Variants in OLFM2 observed in about 807,000 individuals in gnomAD.
The protein encoded by OLFM2 is noelin-2.
In OLFM2, 20 loss-of-function variants were observed where a neutral mutation model predicts 43.9. The ratio of observed to expected loss-of-function variants is 0.46; its 90% confidence interval spans 0.32 to 0.66. OLFM2 has a LOEUF of 0.66. Among genes scored for constraint, OLFM2 ranks in the 30% least tolerant of loss-of-function variants. The probability of loss-of-function intolerance (pLI) is 0.04; values close to 1 mark genes in which losing one functional copy is unlikely to be tolerated. For missense variants in OLFM2, 416 were observed against 643.6 expected, an observed-to-expected ratio of 0.65 and a Z score of 3.83; for synonymous variants, 268 against 278.6, an observed-to-expected ratio of 0.96 and a Z score of 0.38.
intron 1 of OLFM2, among the ~76,000 whole-genome samples, chr19:9,928,386 A>G (rs748116866): frequency 8.5e-5 from 13 of 152,150 alleles, no homozygotes; most frequent in Non-Finnish European, 1.2e-4. Flanking sequence ...TTCTTGTGCA[A>G]TGACACCTGT....
chr19:9,924,560 G>C (rs1297277607), intron 1 of OLFM2, among the ~76,000 whole-genome samples: 1 of 152,134 alleles, frequency 6.6e-6, no homozygotes, highest in Non-Finnish European at 1.5e-5. Flanking sequence ...CTCCCGGCCT[G>C]ACAACATACT....
intron 1 of OLFM2, among the ~76,000 whole-genome samples, chr19:9,899,715 C>T (rs998029144): frequency 5.3e-5 from 8 of 151,884 alleles, no homozygotes; most frequent in African/African-American, 1.7e-4. Context: ...CCATGCCTGG[C>T]CAATTTCTGT....
At chr19:9,882,932 C>T (rs2046552412) in intron 1 of OLFM2, among the ~76,000 whole-genome samples, 1 of 151,460 alleles carries the variant, frequency 6.6e-6, no homozygotes, top group Admixed American at 6.6e-5. Context: ...GGCGCAGTGG[C>T]TCACACCTGT....
At chr19:9,881,359 CTGACCGGGCAGGGCTA>C (rs2046538488) in intron 1 of OLFM2, among the ~76,000 whole-genome samples, 1 of 152,160 alleles carries the variant, frequency 6.6e-6, no homozygotes, top group Non-Finnish European at 1.5e-5. Context: ...ATACAGTAGC[CTGACCGGGCAGGGCTA>C]CTGAGAGATG....
intron 1 of OLFM2, among the ~76,000 whole-genome samples, chr19:9,925,401 AG>A (rs2086446786): frequency 6.6e-6 from 1 of 152,198 alleles, no homozygotes; most frequent in South Asian, 2.1e-4. Context: ...CAGTCGCCGT[AG>A]AAAACATTAT....
At chr19:9,900,431 C>T (rs968245730) in intron 1 of OLFM2, among the ~76,000 whole-genome samples, 30 of 152,040 alleles carry the variant, frequency 2.0e-4, no homozygotes, top group African/African-American at 6.0e-4. Flanking sequence ...AGAAAAGGGC[C>T]GGGATCTCTC....
intron 1 of OLFM2, among the ~76,000 whole-genome samples, chr19:9,874,499 G>T (rs1426221590): frequency 1.3e-5 from 2 of 151,402 alleles, no homozygotes; most frequent in African/African-American, 4.9e-5. Context: ...ATTTATTTTT[G>T]AGATAGAGTC....
intron 1 of OLFM2, among the ~76,000 whole-genome samples, chr19:9,893,041 C>G (rs1361784196): frequency 6.6e-6 from 1 of 152,158 alleles, no homozygotes; most frequent in African/African-American, 2.4e-5. Flanking sequence ...GGTCCTGGCC[C>G]TCTTCATCTC....
chr19:9,871,650 A>G (rs972214192), intron 1 of OLFM2, among the ~76,000 whole-genome samples: 1 of 151,110 alleles, frequency 6.6e-6, no homozygotes, highest in Non-Finnish European at 1.5e-5. Flanking sequence ...AACACAGGCC[A>G]TCTGGTTACA....
intron 1 of OLFM2, among the ~76,000 whole-genome samples, chr19:9,874,327 C>CGT (rs764847051): frequency 8.0e-5 from 1 of 12,468 alleles, no homozygotes; most frequent in African/African-American, 3.6e-4. Flanking sequence ...GCCCCACTGG[C>CGT]CTTTTTTTTT....
Position 9,928,972 on chromosome 19 carries a change from C to T in OLFM2, c.63+7332G>A, listed in dbSNP as rs1034736129. On this transcript the variant is annotated intron_variant, in intron 1 of 5. Transcript: ENST00000264833. Reference sequence around the variant, plus strand: ...TGGTGTGCACCTGTAATCCCAACTACTTGGGAGGCTGAGGCAGGAGAATTG... The same window carrying T: ...TGGTGTGCACCTGTAATCCCAACTATTTGGGAGGCTGAGGCAGGAGAATTG... Among the ~76,000 whole-genome samples the T allele has an allele frequency of 2.0e-5, 3 of 151,932 alleles. No individual in the cohort carries two copies. The South Asian group carries it at 6.2e-4, about 32-fold the overall frequency.
In OLFM2 at chr19:9,854,876, C is replaced by T. The variant is rs2046302928; in HGVS notation, c.688-13G>A. The T allele has an allele frequency of 2.6e-6, 4 of 1,551,806 alleles. No individual in the cohort carries two copies. Among genetic ancestry groups the T allele is most frequent in the Middle Eastern group, 1.8e-4 (1 of 5,710 alleles). On this transcript the variant is annotated splice_polypyrimidine_tract_variant and intron_variant, in intron 5 of 5. Transcript: ENST00000264833. The surrounding 1 kb of genome is among the most constrained non-coding windows in gnomAD (Gnocchi z 9.5). ...CCATGTACCAGACCTATGGTAGCAG[C>T]CGCTGGTCACTGGGGGGAACCACCA...
intron 1 of OLFM2, among the ~76,000 whole-genome samples, chr19:9,916,083 A>G (rs930568460): frequency 2.0e-5 from 3 of 152,194 alleles, no homozygotes; most frequent in African/African-American, 7.2e-5. Context: ...GAGGCCGGGC[A>G]CAGTGGCTCA....
chr19:9,857,156 A>T lies in OLFM2; in HGVS notation c.580+107T>A. On this transcript the variant is annotated intron_variant, in intron 4 of 5. Coordinates refer to ENST00000264833, the MANE Select transcript of OLFM2 (RefSeq NM_058164.4). This position sits in a 1 kb window ranked among gnomAD's most constrained non-coding sequence, Gnocchi z 5.7. ...TAGGAAGGTCAAGGGTTGAGGTTTA[A>T]AAGTTAGAGGTCAAAACTGTGTCCA... 8.7e-7 allele frequency: 1 copy of T among 1,155,506 alleles called. No homozygotes were observed. Among genetic ancestry groups the T allele is most frequent in the Non-Finnish European group, 1.3e-6 (1 of 778,966 alleles). The allele number at this position is 1,155,506 out of a possible 1,614,324, so 71.6% of individuals were successfully genotyped here. A position where few individuals can be genotyped will look rare whatever the true frequency, so the allele number is the denominator to read the frequency against.
Position 9,934,960 on chromosome 19 carries a change from G to C in OLFM2, c.63+1344C>G, listed in dbSNP as rs189417194. On this transcript the variant is annotated intron_variant, in intron 1 of 5. Transcript: ENST00000264833. Reference sequence around the variant, plus strand: ...GCCTATCTACCTAAAAGCCCACCTAGCAATGTCTTCACGGACGCTGTCCAC... The same window carrying C: ...GCCTATCTACCTAAAAGCCCACCTACCAATGTCTTCACGGACGCTGTCCAC... 3.3e-4 allele frequency among the ~76,000 whole-genome samples: 51 copies of C among 152,282 alleles called. 1 individual carries two copies. The East Asian group carries it at 7.7e-3, about 23-fold the overall frequency.
At chr19:9,892,040 G>C (rs1308844301) in intron 1 of OLFM2, among the ~76,000 whole-genome samples, 1 of 152,132 alleles carries the variant, frequency 6.6e-6, no homozygotes, top group Non-Finnish European at 1.5e-5. Context: ...TTGCAGATGT[G>C]AAACTGGCAT....
chr19:9,919,467 G>A (rs1053885699), intron 1 of OLFM2, among the ~76,000 whole-genome samples: 14 of 145,838 alleles, frequency 9.6e-5, no homozygotes, highest in Admixed American at 3.5e-4. Context: ...TTGCCCGGCC[G>A]AGACCTCATT....
chr19:9,902,249 C>T (rs1464649151), intron 1 of OLFM2, among the ~76,000 whole-genome samples: 2 of 151,826 alleles, frequency 1.3e-5, no homozygotes, highest in Admixed American at 6.6e-5. Flanking sequence ...AGGAGGGTCT[C>T]GATCTCCTGA....
intron 1 of OLFM2, among the ~76,000 whole-genome samples, chr19:9,882,893 TCTA>T (rs2046551480): frequency 1.4e-5 from 2 of 146,804 alleles, no homozygotes; most frequent in East Asian, 4.1e-4. Flanking sequence ...CAAGACCCTA[TCTA>T]TTAAAAAAAA....
Sources: allele counts gnomAD v4.1 joint callset (sites outside exome capture counted in the v4.1 genomes callset), GRCh38; gene constraint gnomAD v4.1.1; non-coding constraint Gnocchi (gnomAD v3.1); transcripts MANE v1.5; gene names NCBI Gene and HGNC (gene_info 2026-07-23, HGNC 2026-07-21).